Variants in LPIN3 observed in about 807,000 individuals in gnomAD.
The protein encoded by LPIN3 is lipin 3, also known as phosphatidate phosphatase LPIN3.
Under a neutral mutation model 94.7 loss-of-function variants are expected in LPIN3, and 82 were observed. That is an observed-to-expected ratio of 0.87 (90% CI 0.72 to 1.04). LPIN3 has a LOEUF of 1.04. Ranked by LOEUF, LPIN3 falls within the 50% of genes least tolerant of loss-of-function variation. The pLI, the probability that LPIN3 is intolerant of heterozygous loss-of-function variation, is 0.00. For synonymous variants in LPIN3, 418 were observed against 443.3 expected (o/e 0.94, Z 0.72); for missense variants, 996 against 1,090.5 (o/e 0.91, Z 1.22).
chr20:41,358,584 C>A (rs752251216), intron 19 of LPIN3, 42 bp downstream of exon 19: 3 of 1,607,902 alleles, frequency 1.9e-6, no homozygotes, highest in Non-Finnish European at 2.6e-6. Flanking sequence ...CCTACCACGT[C>A]CCCCTGCCCT....
At chr20:41,353,364 C>G (rs186036759) in intron 11 of LPIN3, among the ~76,000 whole-genome samples, 2 of 152,294 alleles carry the variant, frequency 1.3e-5, no homozygotes, top group Non-Finnish European at 2.9e-5. Context: ...CATGAATAAA[C>G]GAAACAAAAT....
chr20:41,348,013 C>A (rs1468860158), intron 3 of LPIN3, among the ~76,000 whole-genome samples: 1 of 152,174 alleles, frequency 6.6e-6, no homozygotes. Flanking sequence ...TGTCCTGGGT[C>A]TGGTGCCAGC....
chr20:41,358,559 C>T lies in LPIN3; in HGVS notation c.2411+17C>T. ...CAAATCCACGTGAGGCTAAACCCTG[C>T]CATGTTCCCCATGCCCTACCACGTC... On this transcript the variant is annotated intron_variant, in intron 19 of 19. Transcript: ENST00000373257. 1 of 1,612,532 alleles carries T rather than the reference C, an allele frequency of 6.2e-7. No individual in the cohort carries two copies. Among genetic ancestry groups the T allele is most frequent in the Non-Finnish European group, 8.5e-7 (1 of 1,178,762 alleles).
chr20:41,354,876 C>A lies in LPIN3; in HGVS notation c.1664+13C>A. 1.3e-6 allele frequency: 2 copies of A among 1,554,140 alleles called. No homozygotes were observed. Among genetic ancestry groups the A allele is most frequent in the Non-Finnish European group, 1.7e-6 (2 of 1,148,852 alleles). On this transcript the variant is annotated intron_variant, in intron 13 of 19. Transcript: ENST00000373257. ...AGGAGCAGCAGGGGTGAGTGAGACC[C>A]CCTATTGGGGCTCTGCAGGGGGAGC...
Position 41,350,231 on chromosome 20 carries a change from G to A in LPIN3, c.936G>A (p.Glu312=). The change falls in exon 7 of 20, where the codon GAG becomes GAA. Residue 312 remains glutamate (E), a synonymous_variant. Transcript: ENST00000373257. ...GTGCCGACCTTCAGCCTGACACAGA[G>A]GATCCCACTCTAGTGGGTCCCCCTC... is the stretch of plus-strand genomic sequence containing the variant. ...EAGADLQPDT[E]DPTLVGPPLH... 1.2e-6 allele frequency: 2 copies of A among 1,613,752 alleles called. No homozygotes were observed. The highest frequency in any genetic ancestry group is 2.7e-5 in the African/African-American group (2 of 75,050).
chr20:41,349,949 C>CATGGGTCAGGGTTGG, intron 6 of LPIN3, 55 bp downstream of exon 6: 7 of 1,582,046 alleles, frequency 4.4e-6, no homozygotes, highest in Non-Finnish European at 6.0e-6. Context: ...CTGTGGCCCC[C>CATGGGTCAGGGTTGG]ATGGGTCAGG....
rs376571239 is a variant in LPIN3 at position 41,356,014 on chromosome 20, C to T, written c.1783C>T (p.Arg595Cys). The T allele has an allele frequency of 8.1e-6, 13 of 1,613,980 alleles. No homozygotes were observed. The highest frequency in any genetic ancestry group is 4.5e-5 in the East Asian group (2 of 44,900). ...PSTPTYKKSLRLSSDQIRRLN... is the reference protein window; with the variant it reads ...PSTPTYKKSLCLSSDQIRRLN... ...CACTCCTACCTACAAGAAGTCCCTC[C>T]GCCTCTCCTCCGATCAGATCGTAAG... is the stretch of plus-strand genomic sequence containing the variant. The change falls in exon 14 of 20, where the codon CGC becomes TGC. Residue 595 changes from arginine to cysteine, a missense_variant. Arg to Cys is a radical substitution (Grantham distance 180). Transcript: ENST00000373257.
chr20:41,352,500 GCCAA>G, intron 9 of LPIN3, 102 bp from the exon 10 acceptor site: 1 of 1,055,590 alleles, frequency 9.5e-7, no homozygotes, highest in East Asian at 2.4e-5. Context: ...AGGTTACAAA[GCCAA>G]CCGACAGGAG....
chr20:41,354,639 C>T lies in LPIN3; in HGVS notation c.1528-6C>T. ...AAACACTGCCATGGCTTTCATCTGC[C>T]CACAGAGCACCATGGACAAGCTGGA... On this transcript the variant is annotated splice_region_variant and splice_polypyrimidine_tract_variant and intron_variant, in intron 11 of 19. Coordinates refer to ENST00000373257, the MANE Select transcript of LPIN3 (RefSeq NM_022896.3). 1 of 1,567,016 alleles carries T rather than the reference C, an allele frequency of 6.4e-7. No homozygotes were observed. Among genetic ancestry groups the T allele is most frequent in the Non-Finnish European group, 8.7e-7 (1 of 1,154,480 alleles).
chr20:41,342,175 T>C (rs1285658876), intron 1 of LPIN3, among the ~76,000 whole-genome samples: 1 of 152,108 alleles, frequency 6.6e-6, no homozygotes, highest in Non-Finnish European at 1.5e-5. Flanking sequence ...ACGTGCCTGA[T>C]GTTATTCCCA....
chr20:41,358,503 G>A lies in LPIN3; in HGVS notation c.2372G>A (p.Gly791Glu). 3 of 1,614,090 alleles carry A rather than the reference G, an allele frequency of 1.9e-6. No individual in the cohort carries two copies. The highest frequency in any genetic ancestry group is 2.2e-5 in the South Asian group (2 of 91,084). Residue 791 changes from glycine (G) to glutamate (E), a missense_variant, in exon 19 of 20, where the codon GGA (glycine) becomes GAA (glutamate). Coordinates refer to ENST00000373257, the MANE Select transcript of LPIN3 (RefSeq NM_022896.3). ...ESRIFTVNPR[G>E]ELIQELIKNH... Reference sequence around the variant, plus strand: ...CGCATCTTCACAGTCAACCCCCGGGGAGAGCTCATCCAGGAGCTCATAAAG... The same window carrying A: ...CGCATCTTCACAGTCAACCCCCGGGAAGAGCTCATCCAGGAGCTCATAAAG...
intron 2 of LPIN3, among the ~76,000 whole-genome samples, chr20:41,346,742 AAAAAATAAATAAATAAAT>A (rs1189456395): frequency 6.6e-6 from 1 of 152,214 alleles, no homozygotes; most frequent in South Asian, 2.1e-4. Flanking sequence ...ACTCCGTCTC[AAAAAATAAATAAATAAAT>A]AAAAATAAAT....
At position 41,355,904 on chromosome 20, in the gene LPIN3, CAG is replaced by C. The variant is rs748207257; in HGVS notation, c.1675_1676del (p.Glu559SerfsTer5). On this transcript the variant is annotated frameshift_variant, in exon 14 of 20. Transcript: ENST00000373257. LOFTEE classifies it high-confidence loss of function. ...GCCAGTGTGGTCCACAGGGAGAAGACAGAAGTCCTGAGCAGTGATGACGATGC... is the reference window on the plus strand; with the variant it reads ...GCCAGTGTGGTCCACAGGGAGAAGACAAGTCCTGAGCAGTGATGACGATGC... The C allele has an allele frequency of 3.1e-6, 5 of 1,614,052 alleles. No homozygotes were observed. In the African/African-American group the frequency reaches 5.3e-5, roughly 17 times the overall value.
chr20:41,350,439 C>G (rs578151964), intron 7 of LPIN3, 42 bp downstream of exon 7: 3 of 1,466,692 alleles, frequency 2.0e-6, no homozygotes, highest in Non-Finnish European at 2.7e-6. Context: ...CCTGGCCTCG[C>G]TCTGTCCCCT....
chr20:41,352,555 G>A (rs377457248), intron 9 of LPIN3, 51 bp from the exon 10 acceptor site: 195 of 1,501,128 alleles, frequency 1.3e-4, no homozygotes, highest in South Asian at 2.6e-4. Flanking sequence ...CTGGGGCAGC[G>A]GGTCACATGG....
chr20:41,353,419 C>T (rs570612137), intron 11 of LPIN3, among the ~76,000 whole-genome samples: 2 of 152,184 alleles, frequency 1.3e-5, no homozygotes, highest in Non-Finnish European at 2.9e-5. Flanking sequence ...AAGACTCATC[C>T]AGATGAATAT....
In LPIN3 at chr20:41,350,407, G is replaced by A. The variant is rs375529534; in HGVS notation, c.1102+10G>A. On this transcript the variant is annotated intron_variant, in intron 7 of 19. Transcript: ENST00000373257. The stretch of plus-strand genomic sequence containing the variant: ...GTCTCCAGGGGGAAAGGTGAGTGAC[G>A]CTGGGTCTCTCCCACTGCCTCCCTG... 7.1e-6 allele frequency: 11 copies of A among 1,541,742 alleles called. 1 individual carries two copies. The African/African-American group carries it at 8.2e-5, about 12-fold the overall frequency.
intron 9 of LPIN3, 89 bp from the exon 10 acceptor site, chr20:41,352,517 G>A: frequency 8.4e-7 from 1 of 1,185,020 alleles, no homozygotes. Context: ...GACAGGAGGT[G>A]AGCAGCAGAG....
At chr20:41,358,636 C>G (rs1263740967) in intron 19 of LPIN3, 86 bp from the exon 20 acceptor site, 2 of 1,603,300 alleles carry the variant, frequency 1.2e-6, no homozygotes, top group East Asian at 2.2e-5. Flanking sequence ...ACCGGGGAGT[C>G]TGTCCCTTAC....
Sources: gnomAD v4.1 joint callset for allele counts (sites outside exome capture counted in the v4.1 genomes callset) on GRCh38, gnomAD v4.1.1 for gene constraint, MANE v1.5 for transcripts, NCBI Gene and HGNC (gene_info 2026-07-23, HGNC 2026-07-21) for gene names.